BRD10: variants seen among roughly 807,000 people sequenced by gnomAD.
BRD10 encodes uncharacterized bromodomain-containing protein 10.
chr9:5,983,787 T>C, the BRD10 span, among the ~76,000 whole-genome samples: 1 of 151,678 alleles, frequency 6.6e-6, no homozygotes, highest in Non-Finnish European at 1.5e-5. Context: ...GAAAGCTAAT[T>C]ATAAAGAGAA....
At chr9:5,971,627 T>C in the BRD10 span, among the ~76,000 whole-genome samples, 1 of 152,230 alleles carries the variant, frequency 6.6e-6, no homozygotes, top group Non-Finnish European at 1.5e-5. Context: ...TAACTGTCAT[T>C]AGTGATTTGG....
the BRD10 span, chr9:5,920,632 G>C: frequency 3.1e-6 from 5 of 1,613,964 alleles, no homozygotes; most frequent in Non-Finnish European, 4.2e-6. Flanking sequence ...CTGGTGAATG[G>C]AACTGGAGTG....
the BRD10 span, chr9:5,922,846 T>G: frequency 6.2e-7 from 1 of 1,614,032 alleles, no homozygotes; most frequent in Non-Finnish European, 8.5e-7. Context: ...AGGTCAATGC[T>G]GGCTTTATCG....
chr9:5,946,374 G>T, the BRD10 span, among the ~76,000 whole-genome samples: 1 of 151,968 alleles, frequency 6.6e-6, no homozygotes, highest in African/African-American at 2.4e-5. Flanking sequence ...AGTGTAGCTG[G>T]TATTTATTAG....
At chr9:5,917,940 A>T in the BRD10 span, among the ~76,000 whole-genome samples, 1 of 152,248 alleles carries the variant, frequency 6.6e-6, no homozygotes. Flanking sequence ...TAGTTTCTTA[A>T]AATGGCTTAA....
At chr9:5,926,761 G>C in the BRD10 span, among the ~76,000 whole-genome samples, 1 of 152,052 alleles carries the variant, frequency 6.6e-6, no homozygotes, top group Non-Finnish European at 1.5e-5. Context: ...TTGATCTCCT[G>C]ACCTCGTGAT....
chr9:5,887,224 A>G, the BRD10 span, among the ~76,000 whole-genome samples: 1 of 152,174 alleles, frequency 6.6e-6, no homozygotes, highest in African/African-American at 2.4e-5. Flanking sequence ...ACACCACTGC[A>G]TTCCTGCCTG....
chr9:5,985,889 T>G, the BRD10 span, among the ~76,000 whole-genome samples: 1 of 152,066 alleles, frequency 6.6e-6, no homozygotes, highest in Non-Finnish European at 1.5e-5. Flanking sequence ...ATAACAGAAG[T>G]ACAAGGAAAC....
At chr9:5,918,506 A>G in the BRD10 span, among the ~76,000 whole-genome samples, 1 of 152,234 alleles carries the variant, frequency 6.6e-6, no homozygotes, top group South Asian at 2.1e-4. Context: ...TCTTGAGACC[A>G]GGAGTTCAAG....
At chr9:5,901,802 G>C in the BRD10 span, among the ~76,000 whole-genome samples, 1 of 152,306 alleles carries the variant, frequency 6.6e-6, no homozygotes, top group East Asian at 1.9e-4. Context: ...GATTACAGGC[G>C]TGAGCCACCA....
the BRD10 span, among the ~76,000 whole-genome samples, chr9:5,888,281 G>C: frequency 1.3e-5 from 2 of 152,222 alleles, no homozygotes; most frequent in Non-Finnish European, 2.9e-5. Context: ...AGTAGAATCA[G>C]CTCTGGGGTC....
the BRD10 span, among the ~76,000 whole-genome samples, chr9:5,900,945 T>C: frequency 6.6e-6 from 1 of 152,156 alleles, no homozygotes; most frequent in East Asian, 1.9e-4. Context: ...CAATGCATGG[T>C]CAGTGGTCAC....
At chr9:5,884,372 CCAGGACCGGGGCCT>C in the BRD10 span, among the ~76,000 whole-genome samples, 1 of 152,208 alleles carries the variant, frequency 6.6e-6, no homozygotes, top group Non-Finnish European at 1.5e-5. Flanking sequence ...CCTGTGGCGC[CCAGGACCGGGGCCT>C]CAGGCCTGCC....
chr9:5,891,610 T>C, the BRD10 span, among the ~76,000 whole-genome samples: 1 of 152,114 alleles, frequency 6.6e-6, no homozygotes, highest in African/African-American at 2.4e-5. Flanking sequence ...TACACAATAA[T>C]AAGGAAAGGA....
chr9:5,988,688 T>C, the BRD10 span: 18 of 630,336 alleles, frequency 2.9e-5, no homozygotes, highest in African/African-American at 3.3e-4. Context: ...TAACTTTTTA[T>C]CCTCCCTACA....
chr9:5,996,026 G>A, the BRD10 span, among the ~76,000 whole-genome samples: 1 of 152,116 alleles, frequency 6.6e-6, no homozygotes, highest in African/African-American at 2.4e-5. Flanking sequence ...TTAACATTTT[G>A]AGATAACAAT....
the BRD10 span, among the ~76,000 whole-genome samples, chr9:5,917,766 T>C: frequency 2.0e-5 from 3 of 152,246 alleles, no homozygotes; most frequent in African/African-American, 7.2e-5. Context: ...GGTGGGAGAA[T>C]TGCTTGAATC....
chr9:5,885,018 T>A, the BRD10 span, among the ~76,000 whole-genome samples: 1 of 152,100 alleles, frequency 6.6e-6, no homozygotes, highest in Non-Finnish European at 1.5e-5. Flanking sequence ...AGGCCACAGC[T>A]CTTGCTCTCG....
the BRD10 span, chr9:5,922,316 G>A: frequency 1.9e-4 from 310 of 1,613,912 alleles, no homozygotes; most frequent in East Asian, 9.1e-4. Context: ...GGAAATGGTC[G>A]GTGAAGCACT....
Sources: gnomAD v4.1 joint callset for allele counts (sites outside exome capture counted in the v4.1 genomes callset) on GRCh38, gnomAD v4.1.1 for gene constraint, MANE v1.5 for transcripts, NCBI Gene and HGNC (gene_info 2026-07-23, HGNC 2026-07-21) for gene names.